POU6F2: variants seen among roughly 807,000 people sequenced by gnomAD.
POU6F2 encodes the protein POU class 6 homeobox 2, also known as POU domain, class 6, transcription factor 2.
POU6F2 carries 31 observed loss-of-function variants against 71.3 expected under a neutral mutation model. That is an observed-to-expected ratio of 0.43 (90% confidence interval 0.33 to 0.59). The LOEUF (loss-of-function observed/expected upper bound fraction) is 0.59. Among genes scored for constraint, POU6F2 ranks in the 20% least tolerant of loss-of-function variants. The pLI is 0.04. For synonymous variants in POU6F2, 347 were observed against 355.7 expected (o/e 0.98, Z 0.27); for missense variants, 783 against 856.8 (o/e 0.91, Z 1.07).
chr7:39,390,978 C>T (rs561703932), intron 5 of POU6F2, among the ~76,000 whole-genome samples: 13 of 152,166 alleles, frequency 8.5e-5, no homozygotes, highest in South Asian at 4.2e-4. Context: ...CCTTTCATTC[C>T]GAGCAAACCC....
intron 4 of POU6F2, among the ~76,000 whole-genome samples, chr7:39,232,082 A>G (rs1030098838): frequency 6.6e-6 from 1 of 152,240 alleles, no homozygotes; most frequent in Non-Finnish European, 1.5e-5. Context: ...AGAAAAGTCA[A>G]AGTATAAAAT....
rs545491554 is a variant in POU6F2, at chr7:38,997,379, T to C, written c.105+19321T>C. 2.0e-5 allele frequency among the ~76,000 whole-genome samples: 3 copies of C among 152,346 alleles called. No homozygotes were observed. In the East Asian group the frequency reaches 5.8e-4, roughly 29 times the overall value. Reference sequence around the variant, plus strand: ...ACATCTGCAGTTTCTTTCTTCCTTATCTCTGAACTTCCACAACAATTTGTG... The same window carrying C: ...ACATCTGCAGTTTCTTTCTTCCTTACCTCTGAACTTCCACAACAATTTGTG... On this transcript the variant is annotated intron_variant, in intron 1 of 9. Coordinates refer to ENST00000518318, the MANE Select transcript of POU6F2 (RefSeq NM_001370959.1).
At chr7:39,056,258 GT>G (rs1562688368) in intron 1 of POU6F2, among the ~76,000 whole-genome samples, 1 of 151,498 alleles carries the variant, frequency 6.6e-6, no homozygotes, top group Non-Finnish European at 1.5e-5. Context: ...TTTCAATTTT[GT>G]TTTTATTTTT....
intron 8 of POU6F2, among the ~76,000 whole-genome samples, chr7:39,457,895 C>T (rs1219299585): frequency 6.6e-6 from 1 of 152,138 alleles, no homozygotes; most frequent in African/African-American, 2.4e-5. Flanking sequence ...CTGTACCATT[C>T]TGTACTCTCT....
intron 2 of POU6F2, among the ~76,000 whole-genome samples, chr7:39,167,932 C>A (rs1286124405): frequency 6.6e-6 from 1 of 151,808 alleles, no homozygotes; most frequent in Non-Finnish European, 1.5e-5. Flanking sequence ...TAAGTAAGGC[C>A]TTTTCTAATT....
chr7:39,269,600 A>G (rs1431679305), intron 4 of POU6F2, among the ~76,000 whole-genome samples: 3 of 152,320 alleles, frequency 2.0e-5, no homozygotes, highest in Non-Finnish European at 2.9e-5. Context: ...ATCAGCTCCT[A>G]TAGATTCAGG....
chr7:39,389,373 T>C (rs1331609513), intron 5 of POU6F2, among the ~76,000 whole-genome samples: 1 of 152,196 alleles, frequency 6.6e-6, no homozygotes, highest in Non-Finnish European at 1.5e-5. Context: ...AATATTTTAT[T>C]ATAATTTATA....
chr7:39,418,719 T>C (rs1351785284), intron 6 of POU6F2, among the ~76,000 whole-genome samples: 1 of 149,874 alleles, frequency 6.7e-6, no homozygotes, highest in Non-Finnish European at 1.5e-5. Flanking sequence ...GAAAGAAAAG[T>C]TAACCAACTT....
intron 4 of POU6F2, among the ~76,000 whole-genome samples, chr7:39,218,664 A>C (rs1278052972): frequency 6.6e-6 from 1 of 152,162 alleles, no homozygotes; most frequent in Non-Finnish European, 1.5e-5. Flanking sequence ...CCATTGCAGG[A>C]ATCCAAGGAG....
intron 4 of POU6F2, among the ~76,000 whole-genome samples, chr7:39,308,111 G>C (rs1308692694): frequency 1.3e-5 from 2 of 152,136 alleles, no homozygotes; most frequent in Non-Finnish European, 2.9e-5. Flanking sequence ...GTCCCAAAGG[G>C]GTAGAAGGAC....
intron 1 of POU6F2, among the ~76,000 whole-genome samples, chr7:39,038,974 T>C (rs1584512317): frequency 1.3e-5 from 2 of 152,062 alleles, no homozygotes; most frequent in South Asian, 4.2e-4. Context: ...AAACTGCTTA[T>C]GAAGTGCTCT....
rs1031281384 is a variant in POU6F2, at chr7:39,137,343, C to A, written c.277+51312C>A. On this transcript the variant is annotated intron_variant, in intron 2 of 9. Coordinates refer to ENST00000518318, the MANE Select transcript of POU6F2 (RefSeq NM_001370959.1). The stretch of plus-strand genomic sequence containing the variant: ...AAGAAATGACTTAAATGGTAAGCAA[C>A]AAGGGACATGTCAAATAAATTACAG... Among the ~76,000 whole-genome samples the A allele has an allele frequency of 4.6e-5, 7 of 152,034 alleles. No homozygotes were observed. The East Asian group carries it at 9.7e-4, about 21-fold the overall frequency.
At chr7:39,458,812 A>G (rs1240223945) in intron 8 of POU6F2, among the ~76,000 whole-genome samples, 2 of 151,832 alleles carry the variant, frequency 1.3e-5, no homozygotes, top group African/African-American at 4.8e-5. Flanking sequence ...TACCAACCTG[A>G]CAGGTCCCTA....
chr7:39,451,810 C>G, intron 8 of POU6F2, 109 bp downstream of exon 8: 1 of 1,323,674 alleles, frequency 7.6e-7, no homozygotes, highest in South Asian at 1.4e-5. Context: ...CTCTTTCTCT[C>G]AACCCTGCAC....
Position 39,464,033 on chromosome 7 carries a change from G to A in POU6F2, c.1659-149G>A. 1.0e-6 allele frequency: 1 copy of A among 992,508 alleles called. No individual in the cohort carries two copies. The highest frequency in any genetic ancestry group is 1.5e-6 in the Non-Finnish European group (1 of 662,456). The allele number at this position is 992,508 out of a possible 1,614,324, so 61.5% of individuals were successfully genotyped here. On this transcript the variant is annotated intron_variant, in intron 9 of 9. Transcript: ENST00000518318. This position sits in a 1 kb window ranked among gnomAD's most constrained non-coding sequence, Gnocchi z 4.1. Reference sequence around the variant, plus strand: ...TGGCATGGAGCACGCTGGGAGGGTGGGCGCTGGCTTGGGCAGGGCTGGCTA... The same window carrying A: ...TGGCATGGAGCACGCTGGGAGGGTGAGCGCTGGCTTGGGCAGGGCTGGCTA...
intron 2 of POU6F2, among the ~76,000 whole-genome samples, chr7:39,173,441 A>C (rs796227002): frequency 5.3e-5 from 8 of 152,336 alleles, no homozygotes; most frequent in African/African-American, 1.9e-4. Flanking sequence ...GTTGCTGTAG[A>C]GTTTGATGAG....
Position 39,466,412 on chromosome 7 carries a change from G to A in POU6F2, c.*1726G>A, listed in dbSNP as rs1789074659. 6.6e-6 allele frequency: 1 copy of A among 152,266 alleles called. No homozygotes were observed. The highest frequency in any genetic ancestry group is 2.4e-5 in the African/African-American group (1 of 41,470). The allele number at this position is 152,266 out of a possible 1,614,324, so 9.4% of individuals were successfully genotyped here. ...CACTGGTGTTTTCACCCAGGTACAG[G>A]CAGACGGTGTTCCATTAAAGGAGCA... is the stretch of plus-strand genomic sequence containing the variant. On this transcript the variant is annotated 3_prime_UTR_variant, in exon 10 of 10. Coordinates refer to ENST00000518318, the MANE Select transcript of POU6F2 (RefSeq NM_001370959.1).
intron 1 of POU6F2, among the ~76,000 whole-genome samples, chr7:39,020,726 A>G (rs934549653): frequency 6.6e-6 from 1 of 151,836 alleles, no homozygotes; most frequent in Non-Finnish European, 1.5e-5. Flanking sequence ...AGTTTCTGCC[A>G]ATTTCTCATC....
At chr7:39,127,482 A>T (rs1417252145) in intron 2 of POU6F2, among the ~76,000 whole-genome samples, 2 of 152,218 alleles carry the variant, frequency 1.3e-5, no homozygotes, top group Non-Finnish European at 2.9e-5. Flanking sequence ...GACAAGCAAG[A>T]TCTTTTCTAC....
Sources: allele counts gnomAD v4.1 joint callset (sites outside exome capture counted in the v4.1 genomes callset), GRCh38; gene constraint gnomAD v4.1.1; non-coding constraint Gnocchi (gnomAD v3.1); transcripts MANE v1.5; gene names NCBI Gene and HGNC (gene_info 2026-07-23, HGNC 2026-07-21).